ITGB5: variants seen among roughly 807,000 people sequenced by gnomAD.
The protein encoded by ITGB5 is integrin subunit beta 5, also known as integrin beta-5.
A neutral mutation model predicts 84.8 loss-of-function variants in ITGB5; 38 were observed. The observed-to-expected ratio is 0.45, with a 90% confidence interval of 0.35 to 0.59. The LOEUF (loss-of-function observed/expected upper bound fraction) is 0.59, where lower values mean the gene tolerates loss of function less well. Among genes scored for constraint, ITGB5 ranks in the 20% least tolerant of loss-of-function variants. The probability of loss-of-function intolerance (pLI) is 0.01; values close to 1 mark genes in which losing one functional copy is unlikely to be tolerated. For synonymous variants in ITGB5, 393 were observed against 414.4 expected (o/e 0.95, Z 0.63); for missense variants, 905 against 1,034.5 (o/e 0.87, Z 1.72).
intron 3 of ITGB5, among the ~76,000 whole-genome samples, chr3:124,853,690 C>A (rs1464470921): frequency 1.3e-5 from 2 of 152,164 alleles, no homozygotes; most frequent in African/African-American, 4.8e-5. Context: ...TAGGGGCTGG[C>A]AGGAAACCCA....
At chr3:124,856,583 T>C (rs966811573) in intron 3 of ITGB5, among the ~76,000 whole-genome samples, 1 of 152,138 alleles carries the variant, frequency 6.6e-6, no homozygotes, top group African/African-American at 2.4e-5. Flanking sequence ...GATAAGTATA[T>C]GAAAAATACA....
At chr3:124,812,275 G>A (rs2107542382) in intron 8 of ITGB5, among the ~76,000 whole-genome samples, 1 of 152,294 alleles carries the variant, frequency 6.6e-6, no homozygotes, top group East Asian at 1.9e-4. Flanking sequence ...CCCTCAAGGT[G>A]CACTCCTTAG....
chr3:124,766,470 T>TA, intron 12 of ITGB5, 125 bp from the exon 13 acceptor site: 2 of 1,142,454 alleles, frequency 1.8e-6, no homozygotes, highest in Non-Finnish European at 1.2e-6. Flanking sequence ...CAGAAAATCT[T>TA]AAGGGGAGGC....
intron 5 of ITGB5, among the ~76,000 whole-genome samples, chr3:124,822,281 G>A (rs1362168647): frequency 6.6e-6 from 1 of 152,166 alleles, no homozygotes; most frequent in Admixed American, 6.5e-5. Context: ...AAGAAACACT[G>A]GGATATGGTC....
chr3:124,788,223 C>T (rs2064110162), intron 10 of ITGB5, among the ~76,000 whole-genome samples: 1 of 152,162 alleles, frequency 6.6e-6, no homozygotes, highest in African/African-American at 2.4e-5. Flanking sequence ...AAAATATACT[C>T]AGTGCCCCTG....
At chr3:124,783,436 C>T (rs1216868000) in intron 10 of ITGB5, among the ~76,000 whole-genome samples, 2 of 152,140 alleles carry the variant, frequency 1.3e-5, no homozygotes, top group Admixed American at 6.6e-5. Flanking sequence ...TGGTCTGCCT[C>T]ATCTCATTAG....
intron 13 of ITGB5, among the ~76,000 whole-genome samples, chr3:124,765,340 G>T (rs1877568): frequency 0.28 from 42,974 of 152,038 alleles, 6,956 homozygotes; most frequent in African/African-American, 0.41. Flanking sequence ...CTTCAGTGGT[G>T]CTGGGAGCTG....
chr3:124,886,944 C>A lies in ITGB5; in HGVS notation c.57G>T (p.Leu19=), dbSNP rs1269067346. 3.3e-6 allele frequency: 4 copies of A among 1,211,134 alleles called. No homozygotes were observed. Among genetic ancestry groups the A allele is most frequent in the Non-Finnish European group, 4.1e-6 (4 of 974,764 alleles). 75.0% of individuals were successfully genotyped at this position (1,211,134 alleles called of 1,614,324 possible). ...GGCGCGGCTTACCTGCGAGCCGGGGCAGGAGCGCGCAGAGCCCCAGGAGGC... is the reference window on the plus strand; with the variant it reads ...GGCGCGGCTTACCTGCGAGCCGGGGAAGGAGCGCGCAGAGCCCCAGGAGGC... ...YACLLGLCAL[L]PRLAGLNICT... The change falls in exon 1 of 15, where the codon CTG becomes CTT. Residue 19 remains leucine (L), a synonymous_variant. Transcript: ENST00000296181.
chr3:124,843,324 G>T (rs546598296), intron 4 of ITGB5, among the ~76,000 whole-genome samples: 24 of 152,268 alleles, frequency 1.6e-4, no homozygotes, highest in African/African-American at 5.5e-4. Flanking sequence ...GGCCTATGTG[G>T]CTCTGGCCCA....
chr3:124,829,364 G>A (rs1466341648), intron 5 of ITGB5, among the ~76,000 whole-genome samples: 1 of 152,236 alleles, frequency 6.6e-6, no homozygotes, highest in Non-Finnish European at 1.5e-5. Context: ...AGCGCGTGGG[G>A]CGGAAACGCA....
At chr3:124,767,167 GTGGCAA>G (rs1207661478) in intron 12 of ITGB5, among the ~76,000 whole-genome samples, 1 of 152,254 alleles carries the variant, frequency 6.6e-6, no homozygotes, top group Non-Finnish European at 1.5e-5. Flanking sequence ...AGGAAATGCA[GTGGCAA>G]TGGCAATGGG....
At chr3:124,815,780 GT>G (rs1261243505) in intron 8 of ITGB5, among the ~76,000 whole-genome samples, 3 of 152,212 alleles carry the variant, frequency 2.0e-5, no homozygotes, top group Non-Finnish European at 4.4e-5. Flanking sequence ...CTCTCTGGGT[GT>G]CGCACTTCAG....
chr3:124,853,681 A>C (rs1455469277), intron 3 of ITGB5, among the ~76,000 whole-genome samples: 1 of 152,202 alleles, frequency 6.6e-6, no homozygotes, highest in African/African-American at 2.4e-5. Flanking sequence ...GGAAAAAAAT[A>C]GGGGCTGGCA....
At chr3:124,847,147 T>A (rs2065089117) in intron 4 of ITGB5, among the ~76,000 whole-genome samples, 1 of 152,220 alleles carries the variant, frequency 6.6e-6, no homozygotes, top group Non-Finnish European at 1.5e-5. Context: ...AGTATGGGGC[T>A]TGACACTTAG....
chr3:124,874,416 C>T (rs1934211841), intron 1 of ITGB5, among the ~76,000 whole-genome samples: 1 of 151,912 alleles, frequency 6.6e-6, no homozygotes, highest in Non-Finnish European at 1.5e-5. Flanking sequence ...GTCAAAATGT[C>T]CATGCTATCC....
At chr3:124,846,299 C>T (rs1038144622) in intron 4 of ITGB5, among the ~76,000 whole-genome samples, 3 of 152,044 alleles carry the variant, frequency 2.0e-5, no homozygotes, top group Admixed American at 6.6e-5. Flanking sequence ...GCTCTCTCCC[C>T]TTGGTGGCAG....
intron 1 of ITGB5, among the ~76,000 whole-genome samples, chr3:124,881,686 A>G (rs148532002): frequency 6.6e-6 from 1 of 152,136 alleles, no homozygotes; most frequent in East Asian, 1.9e-4. Flanking sequence ...CCTAACACAA[A>G]GCCAGGAGTG....
intron 6 of ITGB5, among the ~76,000 whole-genome samples, chr3:124,821,112 G>C (rs771742493): frequency 9.2e-5 from 14 of 152,226 alleles, no homozygotes; most frequent in Admixed American, 7.8e-4. Context: ...AGAAATCCCT[G>C]AGAAATGTTG....
intron 1 of ITGB5, among the ~76,000 whole-genome samples, chr3:124,885,710 TG>T (rs1227229597): frequency 1.3e-5 from 2 of 152,138 alleles, no homozygotes; most frequent in African/African-American, 2.4e-5. Context: ...GCCGGATGGG[TG>T]TTTGGAATCC....
Sources: allele counts gnomAD v4.1 joint callset (sites outside exome capture counted in the v4.1 genomes callset), GRCh38; gene constraint gnomAD v4.1.1; transcripts MANE v1.5; gene names NCBI Gene and HGNC (gene_info 2026-07-23, HGNC 2026-07-21).